LYPLAL1: variants seen among roughly 807,000 people sequenced by gnomAD.
LYPLAL1 encodes the protein lysophospholipase like 1, also known as lysophospholipase-like protein 1.
Under a neutral mutation model 19.7 loss-of-function variants are expected in LYPLAL1, and 23 were observed. That is an observed-to-expected ratio of 1.17 (90% confidence interval 0.84 to 1.65). LYPLAL1 has a LOEUF of 1.65. LYPLAL1 is among the 40% of genes most tolerant of loss of function. The probability of loss-of-function intolerance (pLI) is 0.00; values close to 1 mark genes in which losing one functional copy is unlikely to be tolerated. For synonymous variants in LYPLAL1, 119 were observed against 96.3 expected (o/e 1.24, Z -1.38); for missense variants, 355 against 279.4 (o/e 1.27, Z -1.93).
chr1:219,377,941 A>T, the LYPLAL1 span, among the ~76,000 whole-genome samples: 1 of 152,218 alleles, frequency 6.6e-6, no homozygotes, highest in African/African-American at 2.4e-5. Flanking sequence ...GAACTAATTC[A>T]ATTCTGCAAC....
chr1:219,215,195 T>C (rs114620179), downstream of LYPLAL1, among the ~76,000 whole-genome samples: 4,078 of 152,270 alleles, frequency 0.027, 202 homozygotes, highest in African/African-American at 0.092. Flanking sequence ...CGATGAAGTC[T>C]GTATTTTACA....
At chr1:219,422,611 TA>T in the LYPLAL1 span, among the ~76,000 whole-genome samples, 3 of 151,548 alleles carry the variant, frequency 2.0e-5, no homozygotes, top group South Asian at 2.1e-4. Flanking sequence ...TATGCAGGAA[TA>T]AAAAAAAGAG....
the LYPLAL1 span, among the ~76,000 whole-genome samples, chr1:219,232,850 G>A: frequency 3.4e-5 from 5 of 147,800 alleles, 1 homozygote; most frequent in South Asian, 1.1e-3. Flanking sequence ...CCGTCTGATA[G>A]GATGGCTACT....
At chr1:219,372,993 T>C in the LYPLAL1 span, among the ~76,000 whole-genome samples, 2 of 152,208 alleles carry the variant, frequency 1.3e-5, no homozygotes, top group African/African-American at 4.8e-5. Context: ...TAAGAATTTG[T>C]AAGCAGTGCC....
At chr1:219,180,459 T>G (rs1316368839) in intron 2 of LYPLAL1, among the ~76,000 whole-genome samples, 5 of 152,104 alleles carry the variant, frequency 3.3e-5, no homozygotes, top group African/African-American at 1.2e-4. Context: ...AAAATGATAA[T>G]GTAAGACTGA....
rs1405936397 is a variant in LYPLAL1, at chr1:219,211,837, CTTT to C, written c.*113_*115del. Reference sequence around the variant, plus strand: ...ATATTAAGAAATAACACTTTCCTGACTTTTTTATTATTAAAATGCTTATCACTG... The same window carrying C: ...ATATTAAGAAATAACACTTTCCTGACTTTATTATTAAAATGCTTATCACTG... On this transcript the variant is annotated 3_prime_UTR_variant, in exon 5 of 5. Coordinates refer to ENST00000366928, the MANE Select transcript of LYPLAL1 (RefSeq NM_138794.5). 1.1e-5 allele frequency: 8 copies of C among 697,282 alleles called. No homozygotes were observed. Among genetic ancestry groups the C allele is most frequent in the East Asian group, 2.8e-5 (1 of 35,642 alleles). The allele number at this position is 697,282 out of a possible 1,614,324, so 43.2% of individuals were successfully genotyped here. A position where few individuals can be genotyped will look rare whatever the true frequency, so the allele number is the denominator to read the frequency against.
the LYPLAL1 span, among the ~76,000 whole-genome samples, chr1:219,322,518 T>C: frequency 6.6e-6 from 1 of 152,198 alleles, no homozygotes; most frequent in Non-Finnish European, 1.5e-5. Flanking sequence ...AATAATGAAA[T>C]GTATTTTTTC....
chr1:219,273,505 T>A, the LYPLAL1 span: 5 of 152,294 alleles, frequency 3.3e-5, no homozygotes, highest in East Asian at 9.6e-4. Context: ...TTAGGAAGAG[T>A]CAATTTACAG....
chr1:219,246,628 C>G, the LYPLAL1 span, among the ~76,000 whole-genome samples: 1 of 152,158 alleles, frequency 6.6e-6, no homozygotes, highest in African/African-American at 2.4e-5. Flanking sequence ...ACCCTGTTGC[C>G]CAGGCTCAAG....
At chr1:219,244,854 G>A in the LYPLAL1 span, among the ~76,000 whole-genome samples, 1 of 149,986 alleles carries the variant, frequency 6.7e-6, no homozygotes, top group African/African-American at 2.5e-5. Context: ...GGCTGAGGCA[G>A]GAGAATCGCT....
At chr1:219,438,078 T>G in the LYPLAL1 span, among the ~76,000 whole-genome samples, 1 of 152,308 alleles carries the variant, frequency 6.6e-6, no homozygotes, top group Admixed American at 6.5e-5. Context: ...TATTTGTCTT[T>G]TTTAATTTCA....
At chr1:219,223,781 C>T in the LYPLAL1 span, among the ~76,000 whole-genome samples, 1 of 151,916 alleles carries the variant, frequency 6.6e-6, no homozygotes, top group Admixed American at 6.6e-5. Context: ...GATGCTTTTC[C>T]ATTTTATTTT....
the LYPLAL1 span, among the ~76,000 whole-genome samples, chr1:219,262,788 A>G: frequency 1.3e-5 from 2 of 152,152 alleles, no homozygotes; most frequent in East Asian, 3.9e-4. Context: ...AGTTATGTTT[A>G]GCGTTTTGGT....
chr1:219,225,166 A>G, the LYPLAL1 span: 1 of 152,250 alleles, frequency 6.6e-6, no homozygotes, highest in African/African-American at 2.4e-5. Flanking sequence ...CTAGTTCCAG[A>G]TTCATGTTTC....
chr1:219,182,030 T>C (rs1460471172), intron 2 of LYPLAL1, among the ~76,000 whole-genome samples: 2 of 152,160 alleles, frequency 1.3e-5, no homozygotes, highest in African/African-American at 2.4e-5. Flanking sequence ...TAATAGTTTA[T>C]GCCTATGTGA....
chr1:219,220,190 G>T, the LYPLAL1 span, among the ~76,000 whole-genome samples: 1 of 152,072 alleles, frequency 6.6e-6, no homozygotes, highest in Non-Finnish European at 1.5e-5. Context: ...ACATACAAGA[G>T]ACCCATTATG....
chr1:219,299,382 G>A, the LYPLAL1 span, among the ~76,000 whole-genome samples: 2 of 151,964 alleles, frequency 1.3e-5, no homozygotes, highest in African/African-American at 4.8e-5. Context: ...TGGAAACCAC[G>A]GGAAAGTTTA....
the LYPLAL1 span, among the ~76,000 whole-genome samples, chr1:219,263,347 C>A: frequency 3.3e-5 from 5 of 152,242 alleles, no homozygotes; most frequent in African/African-American, 1.2e-4. Context: ...CTGCTGTGCC[C>A]CACCAATAGT....
At chr1:219,174,516 C>T (rs1415226214) in intron 1 of LYPLAL1, among the ~76,000 whole-genome samples, 1 of 152,126 alleles carries the variant, frequency 6.6e-6, no homozygotes, top group Admixed American at 6.5e-5. Context: ...TTCCTTTTTG[C>T]TGCTTCTCTT....
Sources: gnomAD v4.1 joint callset for allele counts (sites outside exome capture counted in the v4.1 genomes callset) on GRCh38, gnomAD v4.1.1 for gene constraint, MANE v1.5 for transcripts, NCBI Gene and HGNC (gene_info 2026-07-23, HGNC 2026-07-21) for gene names.